HSPA4L: variants seen among roughly 807,000 people sequenced by gnomAD.
HSPA4L encodes the protein heat shock 70 kDa protein 4L.
In HSPA4L, 48 loss-of-function variants were observed where a neutral mutation model predicts 100.3. The observed-to-expected ratio is 0.48, with a 90% CI of 0.38 to 0.61. The LOEUF is 0.61. Among genes scored for constraint, HSPA4L ranks in the 20% least tolerant of loss-of-function variants. HSPA4L has a pLI of 0.00. For synonymous variants in HSPA4L, 319 were observed against 328.2 expected, an observed-to-expected ratio of 0.97 and a Z score of 0.30; for missense variants, 886 against 988.6, an observed-to-expected ratio of 0.90 and a Z score of 1.39.
chr4:127,822,856 A>G lies in HSPA4L; in HGVS notation c.1900A>G (p.Arg634Gly). Reference protein sequence around the residue: ...VEEYVYDFRDRLGTVYEKFIT... With the variant: ...VEEYVYDFRDGLGTVYEKFIT... ...AGAATATGTATATGATTTTAGAGAC[A>G]GGCTGGGCACTGTCTATGAAAAATT... The change falls in exon 15 of 19, where the codon AGG becomes GGG. Residue 634 changes from arginine (R) to glycine (G), a missense_variant. By Grantham distance (125) the Arg-to-Gly change is moderately radical (BLOSUM62 -2). Coordinates refer to ENST00000296464, the MANE Select transcript of HSPA4L (RefSeq NM_014278.4). 1.2e-6 allele frequency: 2 copies of G among 1,613,776 alleles called. No individual in the cohort carries two copies. The highest frequency in any genetic ancestry group is 1.1e-5 in the South Asian group (1 of 91,062).
chr4:127,801,797 A>G lies in HSPA4L; in HGVS notation c.542A>G (p.Tyr181Cys), dbSNP rs1733190737. The change falls in exon 6 of 19, where the codon TAT becomes TGT. Residue 181 changes from tyrosine to cysteine, a missense_variant. Tyr to Cys is a radical substitution (Grantham distance 194). Transcript: ENST00000296464. ...TGTTCTTATACAGTTGCACTGGCGT[A>G]TGGAATTTATAAACAGGATCTTCCC... Reference protein sequence around the residue: ...MNETTAVALAYGIYKQDLPPL... With the variant: ...MNETTAVALACGIYKQDLPPL... 1 of 1,607,550 alleles carries G rather than the reference A, an allele frequency of 6.2e-7. No homozygotes were observed. The highest frequency in any genetic ancestry group is 1.3e-5 in the African/African-American group (1 of 74,654).
At chr4:127,822,641 C>G in intron 14 of HSPA4L, 128 bp from the exon 15 acceptor site, 1 of 859,018 alleles carries the variant, frequency 1.2e-6, no homozygotes, top group Non-Finnish European at 1.7e-6. Flanking sequence ...ACTTTCTCCA[C>G]ATCCTCATGA....
chr4:127,816,878 A>G (rs990337022), intron 12 of HSPA4L, among the ~76,000 whole-genome samples: 13 of 152,198 alleles, frequency 8.5e-5, no homozygotes, highest in Non-Finnish European at 1.5e-4. Context: ...AAACAATAGA[A>G]GAGCTCTTTC....
At position 127,811,672 on chromosome 4, in the gene HSPA4L, G is replaced by GATTTTCC. The variant is rs757308321; in HGVS notation, c.1578+38_1578+39insTTTCCAT. On this transcript the variant is annotated intron_variant, in intron 12 of 18. Coordinates refer to ENST00000296464, the MANE Select transcript of HSPA4L (RefSeq NM_014278.4). Reference sequence around the variant, plus strand: ...ATTCTTTCTCAATGTTCTTGTAATAGATAGTGTATACAGTATATCTTAATC... The same window carrying GATTTTCC: ...ATTCTTTCTCAATGTTCTTGTAATAGATTTTCCATAGTGTATACAGTATATCTTAATC... The GATTTTCC allele has an allele frequency of 1.7e-5, 24 of 1,424,654 alleles. No individual in the cohort carries two copies. In the South Asian group the frequency reaches 2.8e-4, roughly 17 times the overall value. The allele number at this position is 1,424,654 out of a possible 1,614,324, so 88.3% of individuals were successfully genotyped here.
rs1244254053 is a variant in HSPA4L, at chr4:127,811,499, A to G, written c.1441A>G (p.Lys481Glu). ...SDGDSSKVKV[K>E]VRVNIHGIFS... ...TGGTGATAGTTCCAAAGTGAAGGTTAAAGTTCGTGTTAACATCCATGGAAT... is the reference window on the plus strand; with the variant it reads ...TGGTGATAGTTCCAAAGTGAAGGTTGAAGTTCGTGTTAACATCCATGGAAT... Residue 481 changes from lysine (K) to glutamate (E), a missense_variant, in exon 12 of 19, where the codon AAA becomes GAA. Transcript: ENST00000296464. The G allele has an allele frequency of 6.2e-7, 1 of 1,613,940 alleles. No individual in the cohort carries two copies. The highest frequency in any genetic ancestry group is 1.3e-5 in the African/African-American group (1 of 74,936).
At chr4:127,828,508 A>G (rs1043726756) in intron 17 of HSPA4L, among the ~76,000 whole-genome samples, 4 of 152,176 alleles carry the variant, frequency 2.6e-5, no homozygotes, top group African/African-American at 7.2e-5. Flanking sequence ...GATGGAATCA[A>G]CATTCAAACC....
At chr4:127,787,083 T>C (rs1732739812) in intron 1 of HSPA4L, among the ~76,000 whole-genome samples, 2 of 152,242 alleles carry the variant, frequency 1.3e-5, no homozygotes, top group Non-Finnish European at 2.9e-5. Flanking sequence ...AGTTCTCTGG[T>C]TTTCTATCTT....
rs896401188 is a variant in HSPA4L, at chr4:127,790,359, C to T, written c.108-3718C>T. On this transcript the variant is annotated intron_variant, in intron 1 of 18. Transcript: ENST00000296464. Reference sequence around the variant, plus strand: ...AAGGTAGGCTGAGAAATGGCAAACGCATATTTTCTCTAATAGATGAGTTTT... The same window carrying T: ...AAGGTAGGCTGAGAAATGGCAAACGTATATTTTCTCTAATAGATGAGTTTT... 2.0e-5 allele frequency among the ~76,000 whole-genome samples: 3 copies of T among 152,136 alleles called. No homozygotes were observed. The East Asian group carries it at 5.8e-4, about 29-fold the overall frequency.
chr4:127,782,192 G>A, upstream of HSPA4L: 1 of 406,796 alleles, frequency 2.5e-6, no homozygotes, highest in Admixed American at 2.8e-5. Context: ...TTGCCCGAGT[G>A]CTGACGGAAG....
rs745376569 is a variant in HSPA4L, at chr4:127,829,772, A to AT, written c.2167-853dup. Among the ~76,000 whole-genome samples the AT allele has an allele frequency of 2.8e-3, 413 of 146,194 alleles. 2 individuals are homozygous for AT. Among genetic ancestry groups the AT allele is most frequent in the Middle Eastern group, 0.017 (5 of 286 alleles). ...TTAAGGGAAGAGGTTCAGGCTAGAG[A>AT]TTTTTTTTTTTTTAAAGCATATGGG... On this transcript the variant is annotated intron_variant, in intron 17 of 18. Coordinates refer to ENST00000296464, the MANE Select transcript of HSPA4L (RefSeq NM_014278.4).
chr4:127,786,603 C>G (rs1732725480), intron 1 of HSPA4L, among the ~76,000 whole-genome samples: 1 of 152,110 alleles, frequency 6.6e-6, no homozygotes, highest in African/African-American at 2.4e-5. Flanking sequence ...ATAGCTAGGA[C>G]TACAGGTGCA....
chr4:127,832,988 G>T lies in HSPA4L; in HGVS notation c.*114G>T. On this transcript the variant is annotated 3_prime_UTR_variant, in exon 19 of 19. Transcript: ENST00000296464. ...TTGTTCTTAACCACTTTTGTCATTT[G>T]TTTTTTGGAGTAGTTTTGAAAAGTG... The T allele has an allele frequency of 1.4e-6, 1 of 717,796 alleles. No individual in the cohort carries two copies. The highest frequency in any genetic ancestry group is 2.1e-6 in the Non-Finnish European group (1 of 465,210). The allele number at this position is 717,796 out of a possible 1,614,324, so 44.5% of individuals were successfully genotyped here.
At chr4:127,802,689 G>C (rs1159177028) in intron 6 of HSPA4L, among the ~76,000 whole-genome samples, 2 of 152,082 alleles carry the variant, frequency 1.3e-5, no homozygotes, top group African/African-American at 4.8e-5. Context: ...TTGAAAATCT[G>C]ATCAAGGCTA....
At chr4:127,823,794 T>A (rs1020681521) in intron 16 of HSPA4L, among the ~76,000 whole-genome samples, 170 bp downstream of exon 16, 5 of 152,244 alleles carry the variant, frequency 3.3e-5, no homozygotes, top group African/African-American at 1.2e-4. Flanking sequence ...GTGGAATGGC[T>A]AAGTCAAACT....
At chr4:127,823,670 C>A in intron 16 of HSPA4L, 46 bp downstream of exon 16, 2 of 1,237,892 alleles carry the variant, frequency 1.6e-6, no homozygotes, top group Non-Finnish European at 2.3e-6. Flanking sequence ...GTAACTTTTT[C>A]TAAAAATTAG....
chr4:127,791,037 G>T (rs976302589), intron 1 of HSPA4L, among the ~76,000 whole-genome samples: 5 of 151,972 alleles, frequency 3.3e-5, no homozygotes, highest in Admixed American at 1.3e-4. Flanking sequence ...GCAGGTCAAG[G>T]CCTCAGTGAG....
chr4:127,813,083 C>T, intron 12 of HSPA4L: 2 of 1,187,180 alleles, frequency 1.7e-6, no homozygotes, highest in Non-Finnish European at 2.5e-6. Flanking sequence ...TTGATGTCTA[C>T]AATATCACCT....
Position 127,804,131 on chromosome 4 carries a change from G to GC in HSPA4L, c.985+46dup, listed in dbSNP as rs775218494. 1.5e-5 allele frequency: 22 copies of GC among 1,464,608 alleles called. No homozygotes were observed. The Admixed American group carries it at 3.2e-4, about 21-fold the overall frequency. 90.7% of individuals were successfully genotyped at this position (1,464,608 alleles called of 1,614,324 possible). A position where few individuals can be genotyped will look rare whatever the true frequency, so the allele number is the denominator to read the frequency against. ...ACTATCAAAACTGTACCATAATGTT[G>GC]CCTACTTAGCGGGGGTAGATAATGA... On this transcript the variant is annotated intron_variant, in intron 8 of 18. Transcript: ENST00000296464.
In HSPA4L at chr4:127,837,142, A is replaced by T. The variant is rs1734229540; in HGVS notation, c.*4268A>T. 1 of 152,180 alleles carries T rather than the reference A, an allele frequency of 6.6e-6. No homozygotes were observed. 9.4% of individuals were successfully genotyped at this position (152,180 alleles called of 1,614,324 possible). On this transcript the variant is annotated 3_prime_UTR_variant, in exon 19 of 19. Transcript: ENST00000296464. ...ATTTTTATAGAGATGGAGTTTTGCC[A>T]TGTTGGCCAGCCTGGTCTTGAACTC...
Sources: gnomAD v4.1 joint callset for allele counts (sites outside exome capture counted in the v4.1 genomes callset) on GRCh38, gnomAD v4.1.1 for gene constraint, MANE v1.5 for transcripts, NCBI Gene and HGNC (gene_info 2026-07-23, HGNC 2026-07-21) for gene names.